The following PDE4B variants were observed in gnomAD, a reference collection of about 807,000 sequenced individuals.
The protein encoded by PDE4B is phosphodiesterase 4B, also known as 3',5'-cyclic-AMP phosphodiesterase 4B.
Under a neutral mutation model 82.2 loss-of-function variants are expected in PDE4B, and 20 were observed. That is an observed-to-expected ratio of 0.24 (90% confidence interval 0.17 to 0.35). PDE4B has a LOEUF of 0.35. PDE4B is among the 10% of genes least tolerant of loss of function. PDE4B has a pLI of 1.00. For synonymous variants in PDE4B, 320 were observed against 318.9 expected (o/e 1.00, Z -0.04); for missense variants, 655 against 907.2 (o/e 0.72, Z 3.57).
At chr1:66,326,804 G>T (rs968657629) in intron 7 of PDE4B, among the ~76,000 whole-genome samples, 4 of 152,134 alleles carry the variant, frequency 2.6e-5, no homozygotes, top group Admixed American at 1.3e-4. Context: ...GCTTTCAATT[G>T]CTAATCATGT....
At chr1:66,125,397 C>A (rs1645803144) in intron 3 of PDE4B, among the ~76,000 whole-genome samples, 2 of 152,150 alleles carry the variant, frequency 1.3e-5, no homozygotes, top group Non-Finnish European at 2.9e-5. Context: ...CACCTGACAT[C>A]ATGATCCACC....
intron 1 of PDE4B, among the ~76,000 whole-genome samples, chr1:65,795,693 T>C (rs1489210397): frequency 1.3e-5 from 2 of 152,236 alleles, no homozygotes; most frequent in Non-Finnish European, 2.9e-5. Context: ...AGCACAACTC[T>C]GGAAAACTCT....
intron 8 of PDE4B, among the ~76,000 whole-genome samples, chr1:66,338,842 C>A (rs929167259): frequency 6.6e-6 from 1 of 150,996 alleles, no homozygotes; most frequent in Admixed American, 6.6e-5. Flanking sequence ...AACGGTGAAA[C>A]CCCGTCTCTA....
chr1:65,811,213 C>T (rs1012089682), intron 1 of PDE4B, among the ~76,000 whole-genome samples: 2 of 152,218 alleles, frequency 1.3e-5, no homozygotes, highest in African/African-American at 4.8e-5. Context: ...CTCAGCTTTA[C>T]ACAATAAGAA....
At chr1:66,213,517 C>A (rs1466313238) in intron 3 of PDE4B, among the ~76,000 whole-genome samples, 1 of 152,164 alleles carries the variant, frequency 6.6e-6, no homozygotes. Flanking sequence ...ACTTTTACTG[C>A]AAAATCGTAG....
Position 66,363,393 on chromosome 1 carries a change from A to G in PDE4B, c.1120-14A>G. The G allele has an allele frequency of 2.5e-6, 4 of 1,603,318 alleles. No homozygotes were observed. Among genetic ancestry groups the G allele is most frequent in the Non-Finnish European group, 3.4e-6 (4 of 1,173,270 alleles). On this transcript the variant is annotated splice_polypyrimidine_tract_variant and intron_variant, in intron 11 of 16. Coordinates refer to ENST00000341517, the MANE Select transcript of PDE4B (RefSeq NM_002600.4). ...CATCTACTTATTTATGTTCTAATCC[A>G]TTTTACAACACAGGAAAGAGACCTC...
At chr1:66,105,462 T>G (rs1358381150) in intron 3 of PDE4B, among the ~76,000 whole-genome samples, 1 of 152,158 alleles carries the variant, frequency 6.6e-6, no homozygotes, top group Non-Finnish European at 1.5e-5. Context: ...AGTAGTTTTT[T>G]CCAATTCTGT....
intron 1 of PDE4B, among the ~76,000 whole-genome samples, chr1:65,907,704 G>A (rs965106036): frequency 1.3e-5 from 2 of 152,090 alleles, no homozygotes; most frequent in African/African-American, 4.8e-5. Context: ...CAAAGAATTA[G>A]GAGACTTACG....
chr1:65,985,030 T>C (rs1650885961), intron 3 of PDE4B, among the ~76,000 whole-genome samples: 1 of 152,174 alleles, frequency 6.6e-6, no homozygotes, highest in Admixed American at 6.6e-5. Context: ...TCATTAATGT[T>C]ACTGAAATTT....
chr1:66,107,519 A>G (rs1645390527), intron 3 of PDE4B, among the ~76,000 whole-genome samples: 1 of 115,118 alleles, frequency 8.7e-6, no homozygotes, highest in African/African-American at 2.8e-5. Flanking sequence ...AACAAAACAA[A>G]CAAAAAAAAA....
At chr1:66,253,354 T>G (rs1653936853) in intron 4 of PDE4B, among the ~76,000 whole-genome samples, 2 of 152,180 alleles carry the variant, frequency 1.3e-5, no homozygotes. Context: ...AAATTCAGAG[T>G]GTGGCAGTGA....
intron 3 of PDE4B, among the ~76,000 whole-genome samples, chr1:66,204,439 C>G (rs957304013): frequency 6.6e-6 from 1 of 152,252 alleles, no homozygotes; most frequent in African/African-American, 2.4e-5. Flanking sequence ...GTGCCCTGCC[C>G]CCATAGGTGG....
At chr1:65,866,263 T>G (rs1447107135) in intron 1 of PDE4B, among the ~76,000 whole-genome samples, 1 of 152,186 alleles carries the variant, frequency 6.6e-6, no homozygotes, top group Non-Finnish European at 1.5e-5. Context: ...TAAATGTAAG[T>G]ACAATTATAA....
At chr1:65,975,983 C>A (rs1650385687) in intron 3 of PDE4B, among the ~76,000 whole-genome samples, 1 of 152,188 alleles carries the variant, frequency 6.6e-6, no homozygotes, top group Non-Finnish European at 1.5e-5. Flanking sequence ...CACACAGAGT[C>A]CCCACTGAGA....
intron 14 of PDE4B, 44 bp downstream of exon 14, chr1:66,367,894 C>G (rs1277991353): frequency 5.0e-6 from 8 of 1,612,746 alleles, no homozygotes; most frequent in South Asian, 2.2e-5. Context: ...CTGCCATTCT[C>G]TCTGATAGAC....
intron 1 of PDE4B, among the ~76,000 whole-genome samples, chr1:65,857,507 C>T (rs958367881): frequency 2.0e-5 from 3 of 152,070 alleles, no homozygotes; most frequent in Non-Finnish European, 2.9e-5. Context: ...TTAAGAGAAG[C>T]GATGTGGATA....
intron 3 of PDE4B, among the ~76,000 whole-genome samples, chr1:66,189,973 C>A (rs765918376): frequency 1.6e-4 from 24 of 152,072 alleles, no homozygotes; most frequent in East Asian, 5.8e-4. Flanking sequence ...TTTTATCTAC[C>A]TTTGGTCTTT....
In PDE4B at chr1:66,372,635, A is replaced by C; in HGVS notation, c.2168A>C (p.Asp723Ala). 6.2e-7 allele frequency: 1 copy of C among 1,614,046 alleles called. No individual in the cohort carries two copies. Among genetic ancestry groups the C allele is most frequent in the Non-Finnish European group, 8.5e-7 (1 of 1,179,888 alleles). ...PENRDSLGETDIDIATEDKSP... is the reference protein window; with the variant it reads ...PENRDSLGETAIDIATEDKSP... ...AACAGAGATTCCCTGGGAGAGACTG[A>C]CATAGACATTGCAACAGAAGACAAG... Residue 723 changes from aspartate to alanine, a missense_variant, in exon 17 of 17, where the codon GAC (aspartate) becomes GCC (alanine). Coordinates refer to ENST00000341517, the MANE Select transcript of PDE4B (RefSeq NM_002600.4).
intron 1 of PDE4B, among the ~76,000 whole-genome samples, chr1:65,853,711 G>A (rs761915059): frequency 7.2e-5 from 11 of 151,912 alleles, no homozygotes; most frequent in Non-Finnish European, 1.0e-4. Flanking sequence ...TGTATTTTTA[G>A]TAGAGACGGG....
Sources: allele counts gnomAD v4.1 joint callset (sites outside exome capture counted in the v4.1 genomes callset), GRCh38; gene constraint gnomAD v4.1.1; transcripts MANE v1.5; gene names NCBI Gene and HGNC (gene_info 2026-07-23, HGNC 2026-07-21).